Variants in GATA4 observed in about 807,000 individuals in gnomAD.
GATA4 encodes the protein GATA binding protein 4.
Under a neutral mutation model 37.9 loss-of-function variants are expected in GATA4, and 7 were observed. The observed-to-expected ratio is 0.18, with a 90% CI of 0.11 to 0.35. The LOEUF (loss-of-function observed/expected upper bound fraction) is 0.35. Ranked by LOEUF, GATA4 falls within the 10% of genes least tolerant of loss-of-function variation. The pLI, the probability that GATA4 is intolerant of heterozygous loss-of-function variation, is 1.00. For missense variants in GATA4, 647 were observed against 653.0 expected (o/e 0.99, Z 0.10); for synonymous variants, 372 against 292.6 (o/e 1.27, Z -2.77).
chr8:11,690,680 G>C (rs116569713), upstream of GATA4, among the ~76,000 whole-genome samples: 3,295 of 152,280 alleles, frequency 0.022, 108 homozygotes, highest in South Asian at 0.13. Context: ...GAACAGCCTG[G>C]TCAACATAGT....
chr8:11,754,917 C>A (rs886788980), intron 4 of GATA4, 129 bp from the exon 5 acceptor site: 1 of 736,596 alleles, frequency 1.4e-6, no homozygotes, highest in Non-Finnish European at 2.4e-6. Flanking sequence ...CTGTGCAGCC[C>A]GTCTGGGCCC....
chr8:11,702,955 G>C (rs1799735239), upstream of GATA4, among the ~76,000 whole-genome samples: 1 of 152,222 alleles, frequency 6.6e-6, no homozygotes, highest in Non-Finnish European at 1.5e-5. The surrounding 1 kb of genome is among the most constrained non-coding windows in gnomAD (Gnocchi z 4.4). Context: ...TCCCATGGGG[G>C]GTTTCCTTCT....
In GATA4 at chr8:11,709,894, A is replaced by C. The variant is rs1800095768; in HGVS notation, c.616+966A>C. Among the ~76,000 whole-genome samples, 1 of 152,132 alleles carries C rather than the reference A, an allele frequency of 6.6e-6. No individual in the cohort carries two copies. Among genetic ancestry groups the C allele is most frequent in the African/African-American group, 2.4e-5 (1 of 41,420 alleles). ...GTGGCAACCCCTAGTTCAAAATGCAAACGACCTCTGGAATTTCGGGAAGAG... is the reference window on the plus strand; with the variant it reads ...GTGGCAACCCCTAGTTCAAAATGCACACGACCTCTGGAATTTCGGGAAGAG... On this transcript the variant is annotated intron_variant, in intron 2 of 6. Coordinates refer to ENST00000532059, the MANE Select transcript of GATA4 (RefSeq NM_001308093.3). The surrounding 1 kb of genome is among the most constrained non-coding windows in gnomAD (Gnocchi z 4.3).
In GATA4 at chr8:11,709,375, G is replaced by T. The variant is rs552864734; in HGVS notation, c.616+447G>T. Among the ~76,000 whole-genome samples, 281 of 152,358 alleles carry T rather than the reference G, an allele frequency of 1.8e-3. No homozygotes were observed. Among genetic ancestry groups the T allele is most frequent in the Non-Finnish European group, 3.2e-3 (218 of 68,034 alleles). On this transcript the variant is annotated intron_variant, in intron 2 of 6. Coordinates refer to ENST00000532059, the MANE Select transcript of GATA4 (RefSeq NM_001308093.3). The surrounding 1 kb of genome is among the most constrained non-coding windows in gnomAD (Gnocchi z 4.3). ...CCTCCGCAGGGAACTGATTACAATG[G>T]TTTGGACCGCAGACCTTCTGGGCCA... is the stretch of plus-strand genomic sequence containing the variant.
Position 11,718,978 on chromosome 8 carries a change from C to G in GATA4, c.616+10050C>G, listed in dbSNP as rs904502548. ...CAGGGGCAGACAATCAGATCTGATTCAAACAACTCAATTTGGTTGCTTATC... is the reference window on the plus strand; with the variant it reads ...CAGGGGCAGACAATCAGATCTGATTGAAACAACTCAATTTGGTTGCTTATC... On this transcript the variant is annotated intron_variant, in intron 2 of 6. Coordinates refer to ENST00000532059, the MANE Select transcript of GATA4 (RefSeq NM_001308093.3). 2.6e-5 allele frequency among the ~76,000 whole-genome samples: 4 copies of G among 152,234 alleles called. No homozygotes were observed. In the South Asian group the frequency reaches 8.3e-4, roughly 32 times the overall value.
At chr8:11,702,886 C>T (rs1292952046), upstream of GATA4, among the ~76,000 whole-genome samples, 1 of 152,248 alleles carries the variant, frequency 6.6e-6, no homozygotes, top group Non-Finnish European at 1.5e-5. This position sits in a 1 kb window ranked among gnomAD's most constrained non-coding sequence, Gnocchi z 4.4. Context: ...ATTCCCCGCG[C>T]AGCCGCGCTC....
upstream of GATA4, chr8:11,692,147 G>C (rs1342135285): frequency 1.0e-5 from 6 of 587,194 alleles, no homozygotes; most frequent in Non-Finnish European, 1.3e-5. Flanking sequence ...AATGGCCTCA[G>C]GTAACAGCCC....
Position 11,725,770 on chromosome 8 carries a change from A to T in GATA4, c.616+16842A>T, listed in dbSNP as rs138307050. On this transcript the variant is annotated intron_variant, in intron 2 of 6. Transcript: ENST00000532059. Reference sequence around the variant, plus strand: ...GCCATTATTACTCGGCACCTTGGCAATCCATCTGGTACTGATGGCCTCAAA... The same window carrying T: ...GCCATTATTACTCGGCACCTTGGCATTCCATCTGGTACTGATGGCCTCAAA... Among the ~76,000 whole-genome samples the T allele has an allele frequency of 3.5e-4, 54 of 152,340 alleles. No homozygotes were observed. The East Asian group carries it at 9.7e-3, about 27-fold the overall frequency.
rs1802218531 is a variant in GATA4 at position 11,749,986 on chromosome 8, T to C, written c.787-125T>C. 4 of 1,308,508 alleles carry C rather than the reference T, an allele frequency of 3.1e-6. No individual in the cohort carries two copies. The Admixed American group carries it at 5.5e-5, about 18-fold the overall frequency. The allele number at this position is 1,308,508 out of a possible 1,614,324, so 81.1% of individuals were successfully genotyped here. A position where few individuals can be genotyped will look rare whatever the true frequency, so the allele number is the denominator to read the frequency against. On this transcript the variant is annotated intron_variant, in intron 3 of 6. Coordinates refer to ENST00000532059, the MANE Select transcript of GATA4 (RefSeq NM_001308093.3). The surrounding 1 kb of genome is among the most constrained non-coding windows in gnomAD (Gnocchi z 4.6). ...GTGCCGTCACAGGTCAGAGATCTCA[T>C]GCAGGGTCGTTAGGGCCCAGCCCTG...
intron 1 of GATA4, among the ~76,000 whole-genome samples, chr8:11,686,638 A>T (rs1799143431): frequency 6.6e-6 from 1 of 152,174 alleles, no homozygotes; most frequent in Admixed American, 6.5e-5. Context: ...TAGTGGTAGG[A>T]ACTTTCCTGA....
chr8:11,701,980 G>A (rs190807625), upstream of GATA4, among the ~76,000 whole-genome samples: 2 of 152,274 alleles, frequency 1.3e-5, no homozygotes, highest in Non-Finnish European at 2.9e-5. Context: ...GTGTGGCAGC[G>A]GCCATCCACA....
intron 1 of GATA4, chr8:11,693,032 T>C (rs1386841194): frequency 2.0e-6 from 2 of 985,252 alleles, no homozygotes; most frequent in East Asian, 1.1e-4. Flanking sequence ...TGCCAGCGCC[T>C]GCGGGGCCTC....
At chr8:11,744,927 A>G (rs115534827) in intron 2 of GATA4, among the ~76,000 whole-genome samples, 172 of 152,328 alleles carry the variant, frequency 1.1e-3, no homozygotes, top group African/African-American at 3.9e-3. Context: ...GGTGTGTTCT[A>G]AAAATGAACT....
intron 2 of GATA4, among the ~76,000 whole-genome samples, chr8:11,712,105 A>C (rs1800210393): frequency 6.6e-6 from 1 of 152,246 alleles, no homozygotes; most frequent in African/African-American, 2.4e-5. Flanking sequence ...GTTGCCTTAA[A>C]TTAGAAAAGT....
intron 2 of GATA4, among the ~76,000 whole-genome samples, chr8:11,711,531 A>G (rs1800181158): frequency 6.6e-6 from 1 of 151,464 alleles, no homozygotes; most frequent in Admixed American, 6.6e-5. Context: ...TAATCCCAGC[A>G]CTTTGGGAGG....
At chr8:11,711,273 C>T (rs929888319) in intron 2 of GATA4, among the ~76,000 whole-genome samples, 6 of 152,206 alleles carry the variant, frequency 3.9e-5, no homozygotes, top group Non-Finnish European at 8.8e-5. Context: ...GAACTGCCAC[C>T]TGCCTTCTCT....
At chr8:11,691,208 T>C (rs918171899), upstream of GATA4, among the ~76,000 whole-genome samples, 10 of 152,256 alleles carry the variant, frequency 6.6e-5, no homozygotes, top group African/African-American at 2.2e-4. Flanking sequence ...ATCCAAGCCT[T>C]TTATTTTGCA....
intron 4 of GATA4, among the ~76,000 whole-genome samples, chr8:11,752,381 A>G (rs1170104657): frequency 2.0e-5 from 3 of 152,228 alleles, no homozygotes; most frequent in Non-Finnish European, 4.4e-5. Flanking sequence ...AGGCCTCACA[A>G]TCATGGCGGA....
chr8:11,714,316 T>A (rs1226142735), intron 2 of GATA4, among the ~76,000 whole-genome samples: 1 of 152,252 alleles, frequency 6.6e-6, no homozygotes, highest in African/African-American at 2.4e-5. Flanking sequence ...AAAGAAGTTT[T>A]GCCCCATTAG....
Sources: allele counts gnomAD v4.1 joint callset (sites outside exome capture counted in the v4.1 genomes callset), GRCh38; gene constraint gnomAD v4.1.1; non-coding constraint Gnocchi (gnomAD v3.1); transcripts MANE v1.5; gene names NCBI Gene and HGNC (gene_info 2026-07-23, HGNC 2026-07-21).